ITGAV: variants seen among roughly 807,000 people sequenced by gnomAD.
ITGAV encodes integrin alpha-V.
A neutral mutation model predicts 143.8 loss-of-function variants in ITGAV; 76 were observed. That is an observed-to-expected ratio of 0.53 (90% confidence interval 0.44 to 0.64). ITGAV has a LOEUF of 0.64. Among genes scored for constraint, ITGAV ranks in the 30% least tolerant of loss-of-function variants. ITGAV has a pLI of 0.00. For missense variants in ITGAV, 1,193 were observed against 1,274.7 expected (o/e 0.94, Z 0.98); for synonymous variants, 453 against 446.7 (o/e 1.01, Z -0.18).
At chr2:186,605,580 G>A (rs1455501207) in intron 2 of ITGAV, among the ~76,000 whole-genome samples, 2 of 151,874 alleles carry the variant, frequency 1.3e-5, no homozygotes, top group East Asian at 3.9e-4. Flanking sequence ...AGTTCCATGA[G>A]GACCGTTTTT....
chr2:186,645,795 G>A (rs1014598483), intron 12 of ITGAV, among the ~76,000 whole-genome samples: 19 of 151,654 alleles, frequency 1.3e-4, no homozygotes, highest in African/African-American at 3.1e-4. Context: ...GTGAAACCCC[G>A]TCTCTACTGA....
In ITGAV at chr2:186,677,274, A is replaced by C. The variant is rs772298272; in HGVS notation, c.3129A>C (p.Glu1043Asp). 6.2e-7 allele frequency: 1 copy of C among 1,613,362 alleles called. No homozygotes were observed. Among genetic ancestry groups the C allele is most frequent in the South Asian group, 1.1e-5 (1 of 91,016 alleles). ...AGCTTCAACCTCATGAAAATGGTGA[A>C]GGAAACTCAGAAACTTAACTGCAGT... ...REQLQPHENG[E>D]GNSET The change falls in exon 30 of 30, where the codon GAA (glutamate) becomes GAC (aspartate). Residue 1043 changes from glutamate to aspartate, a missense_variant. Transcript: ENST00000261023.
Position 186,676,948 on chromosome 2 carries a change from C to G in ITGAV, c.3051+13C>G. On this transcript the variant is annotated intron_variant, in intron 29 of 29. Transcript: ENST00000261023. ...TGTAATGTACAGGGTAAGTAACGGACTTAGAAAGAAGGAGAGAGGGAAAGC... is the reference window on the plus strand; with the variant it reads ...TGTAATGTACAGGGTAAGTAACGGAGTTAGAAAGAAGGAGAGAGGGAAAGC... The G allele has an allele frequency of 6.2e-7, 1 of 1,607,418 alleles. No homozygotes were observed. Among genetic ancestry groups the G allele is most frequent in the Non-Finnish European group, 8.5e-7 (1 of 1,177,966 alleles).
intron 12 of ITGAV, among the ~76,000 whole-genome samples, chr2:186,642,701 A>ATT (rs141126622): frequency 6.6e-6 from 1 of 150,506 alleles, no homozygotes; most frequent in African/African-American, 2.4e-5. Flanking sequence ...AGCCCAGCTT[A>ATT]TTTTTTTTAG....
chr2:186,633,235 A>G (rs1159074762), intron 5 of ITGAV, 94 bp from the exon 6 acceptor site: 3 of 666,810 alleles, frequency 4.5e-6, no homozygotes, highest in African/African-American at 3.6e-5. Context: ...TCATGTATAC[A>G]TATACATATA....
At chr2:186,676,691 TATC>T in intron 28 of ITGAV, 119 bp from the exon 29 acceptor site, 1 of 1,071,630 alleles carries the variant, frequency 9.3e-7, no homozygotes, top group Non-Finnish European at 1.3e-6. Context: ...ACCACTAAAT[TATC>T]ATATGCAGGA....
rs1687267752 is a variant in ITGAV, at chr2:186,613,288, T to G, written c.317-9051T>G. Among the ~76,000 whole-genome samples the G allele has an allele frequency of 2.6e-5, 4 of 152,108 alleles. No homozygotes were observed. The South Asian group carries it at 8.3e-4, about 32-fold the overall frequency. On this transcript the variant is annotated intron_variant, in intron 2 of 29. Coordinates refer to ENST00000261023, the MANE Select transcript of ITGAV (RefSeq NM_002210.5). ...GTGAGTATTTTCAAAAGGCCTGTAT[T>G]CTTTGTGCTGCACTCCAGCAGGACC... is the stretch of plus-strand genomic sequence containing the variant.
intron 4 of ITGAV, among the ~76,000 whole-genome samples, chr2:186,629,595 A>G (rs1687764266): frequency 6.6e-6 from 1 of 152,006 alleles, no homozygotes; most frequent in Non-Finnish European, 1.5e-5. Context: ...CTTTAAAAAA[A>G]TTTAGATATT....
chr2:186,675,300 G>A (rs1689176965), intron 26 of ITGAV, among the ~76,000 whole-genome samples: 1 of 152,132 alleles, frequency 6.6e-6, no homozygotes, highest in Non-Finnish European at 1.5e-5. Flanking sequence ...TTGAGTTCTA[G>A]TCATAGAGTG....
At chr2:186,634,035 A>G (rs896107619) in intron 6 of ITGAV, among the ~76,000 whole-genome samples, 6 of 152,278 alleles carry the variant, frequency 3.9e-5, no homozygotes, top group Non-Finnish European at 7.3e-5. Flanking sequence ...CTCAAAAAAT[A>G]TATATAAAAT....
intron 18 of ITGAV, among the ~76,000 whole-genome samples, chr2:186,662,564 T>C (rs906085700): frequency 3.9e-5 from 6 of 152,224 alleles, no homozygotes; most frequent in Non-Finnish European, 8.8e-5. Flanking sequence ...TTAGAACAAC[T>C]TGAGTATTTG....
At chr2:186,663,100 A>T (rs1185872535) in intron 18 of ITGAV, among the ~76,000 whole-genome samples, 1 of 152,006 alleles carries the variant, frequency 6.6e-6, no homozygotes, top group Non-Finnish European at 1.5e-5. Flanking sequence ...TCTAGCTGGA[A>T]CATTCTCCTG....
At chr2:186,653,962 G>A (rs760240194) in intron 15 of ITGAV, among the ~76,000 whole-genome samples, 7 of 152,130 alleles carry the variant, frequency 4.6e-5, no homozygotes, top group Non-Finnish European at 7.4e-5. Flanking sequence ...CTAATAAATT[G>A]TGAAGAACAC....
At chr2:186,638,787 A>G (rs1416138900) in intron 10 of ITGAV, among the ~76,000 whole-genome samples, 2 of 151,942 alleles carry the variant, frequency 1.3e-5, no homozygotes, top group Non-Finnish European at 2.9e-5. Context: ...CAGTATCAGA[A>G]TGGTTTAATG....
rs181436134 is a variant in ITGAV, at chr2:186,661,963, G to A, written c.1858-1805G>A. ...TATAACTGTAGAGACTTGGTTTTCTGAGCATGGAAGACATTGCTTTTCCAT... is the reference window on the plus strand; with the variant it reads ...TATAACTGTAGAGACTTGGTTTTCTAAGCATGGAAGACATTGCTTTTCCAT... On this transcript the variant is annotated intron_variant, in intron 18 of 29. Transcript: ENST00000261023. 2.5e-3 allele frequency among the ~76,000 whole-genome samples: 384 copies of A among 152,192 alleles called. 2 individuals carry two copies. The highest frequency in any genetic ancestry group is 8.9e-3 in the African/African-American group (369 of 41,522).
At chr2:186,662,053 CT>C (rs1292310947) in intron 18 of ITGAV, among the ~76,000 whole-genome samples, 3 of 152,160 alleles carry the variant, frequency 2.0e-5, no homozygotes, top group South Asian at 2.1e-4. Context: ...CAGCTAAGTC[CT>C]TTTTTTCCCC....
At chr2:186,669,587 T>C in intron 25 of ITGAV, 114 bp from the exon 26 acceptor site, 1 of 691,882 alleles carries the variant, frequency 1.4e-6, no homozygotes, top group Non-Finnish European at 2.5e-6. Flanking sequence ...TATTCTGTCA[T>C]ACTAAATTTT....
chr2:186,665,230 T>G lies in ITGAV; in HGVS notation c.2166+12T>G. On this transcript the variant is annotated intron_variant, in intron 21 of 29. Transcript: ENST00000261023. Reference sequence around the variant, plus strand: ...AGGCTGGAACTCAAGTAAGACAATTTAATTAAACGGATTTTTCTCCCTGGC... The same window carrying G: ...AGGCTGGAACTCAAGTAAGACAATTGAATTAAACGGATTTTTCTCCCTGGC... 1 of 1,533,944 alleles carries G rather than the reference T, an allele frequency of 6.5e-7. No homozygotes were observed. The highest frequency in any genetic ancestry group is 9.0e-7 in the Non-Finnish European group (1 of 1,108,860).
At position 186,662,450 on chromosome 2, in the gene ITGAV, G is replaced by A. The variant is rs187510294; in HGVS notation, c.1858-1318G>A. On this transcript the variant is annotated intron_variant, in intron 18 of 29. Coordinates refer to ENST00000261023, the MANE Select transcript of ITGAV (RefSeq NM_002210.5). ...TGTGGCTTCTGAGCACTTGAAATGG[G>A]CTTAGTGTCACTGAGGAACTGATTT... 3.0e-3 allele frequency among the ~76,000 whole-genome samples: 451 copies of A among 152,196 alleles called. 2 individuals are homozygous for A. Among genetic ancestry groups the A allele is most frequent in the African/African-American group, 0.01 (434 of 41,510 alleles).
Sources: allele counts gnomAD v4.1 joint callset (sites outside exome capture counted in the v4.1 genomes callset), GRCh38; gene constraint gnomAD v4.1.1; transcripts MANE v1.5; gene names NCBI Gene and HGNC (gene_info 2026-07-23, HGNC 2026-07-21).